Variants in MKX observed in about 807,000 individuals in gnomAD.
The protein encoded by MKX is mohawk homeobox.
Under a neutral mutation model 36.0 loss-of-function variants are expected in MKX, and 13 were observed. The ratio of observed to expected loss-of-function variants is 0.36; its 90% CI spans 0.24 to 0.57. The LOEUF is 0.57. MKX is among the 20% of genes least tolerant of loss of function. MKX has a pLI of 0.79. For synonymous variants in MKX, 176 were observed against 178.3 expected (o/e 0.99, Z 0.10); for missense variants, 458 against 456.4 (o/e 1.00, Z -0.03).
Position 27,734,461 on chromosome 10 carries a change from C to G in MKX, c.833G>C (p.Arg278Pro). The G allele has an allele frequency of 6.2e-7, 1 of 1,613,424 alleles. No individual in the cohort carries two copies. The highest frequency in any genetic ancestry group is 8.5e-7 in the Non-Finnish European group (1 of 1,179,662). The change falls in exon 5 of 7, where the codon CGC (arginine) becomes CCC (proline). Residue 278 changes from arginine to proline, a missense_variant. By Grantham distance (103) the Arg-to-Pro change is moderately radical. Coordinates refer to ENST00000419761, the MANE Select transcript of MKX (RefSeq NM_173576.3). ...SSETEGNFVY[R>P]TDTLENGSNK... is the part of the protein sequence containing the mutation. ...TACAGAAAGCACGGACTTACCTGTG[C>G]GATAGACAAAGTTGCCTTCAGTTTC...
chr10:27,697,208 A>C (rs1050293097), intron 5 of MKX, among the ~76,000 whole-genome samples: 5 of 152,218 alleles, frequency 3.3e-5, no homozygotes, highest in African/African-American at 1.2e-4. Context: ...TATTGTTGCC[A>C]TCCTTGGATG....
chr10:27,691,020 G>T (rs1426058741), intron 5 of MKX, among the ~76,000 whole-genome samples: 1 of 152,086 alleles, frequency 6.6e-6, no homozygotes, highest in African/African-American at 2.4e-5. Context: ...TGTGAAGAAG[G>T]TGCCTGCTTC....
intron 5 of MKX, among the ~76,000 whole-genome samples, chr10:27,687,675 A>G (rs1406014156): frequency 6.6e-6 from 1 of 152,222 alleles, no homozygotes; most frequent in Non-Finnish European, 1.5e-5. Context: ...CACTAAGCAC[A>G]TTAAATATTC....
At chr10:27,704,143 A>G (rs559832048) in intron 5 of MKX, among the ~76,000 whole-genome samples, 1 of 152,338 alleles carries the variant, frequency 6.6e-6, no homozygotes, top group South Asian at 2.1e-4. Context: ...TAATTTTATA[A>G]GAAGTGTTCA....
chr10:27,722,169 C>T (rs1228825241), intron 5 of MKX, among the ~76,000 whole-genome samples: 1 of 152,178 alleles, frequency 6.6e-6, no homozygotes, highest in Non-Finnish European at 1.5e-5. Flanking sequence ...ATAAGGCAAG[C>T]ATTGCCAGAT....
At position 27,743,297 on chromosome 10, in the gene MKX, C is replaced by CT; in HGVS notation, c.118_119insA (p.Arg40GlnfsTer55). 2.6e-6 allele frequency: 4 copies of CT among 1,553,136 alleles called. No individual in the cohort carries two copies. In the Admixed American group the frequency reaches 6.2e-5, roughly 24 times the overall value. On this transcript the variant is annotated frameshift_variant, in exon 2 of 7. Transcript: ENST00000419761. LOFTEE classifies it high-confidence loss of function. ...GCCGTCGGGAATGCCCACCTCGGGGCGGGCGTGAGGACTGTCCAGGACACC... is the reference window on the plus strand; with the variant it reads ...GCCGTCGGGAATGCCCACCTCGGGGCTGGGCGTGAGGACTGTCCAGGACACC...
Position 27,743,228 on chromosome 10 carries a change from C to T in MKX, c.188G>A (p.Gly63Asp). ...DNLGLRHRRT[G>D]ARQNGGKVRH... is the part of the protein sequence containing the mutation. Reference sequence around the variant, plus strand: ...AGGGCCCCCAGGGGAGTGCGCATACCCGGTCCTCCGGTGTCTCAGGCCGAG... The same window carrying T: ...AGGGCCCCCAGGGGAGTGCGCATACTCGGTCCTCCGGTGTCTCAGGCCGAG... The change falls in exon 2 of 7, where the codon GGC becomes GAC. Residue 63 changes from glycine (G) to aspartate (D), a missense_variant and splice_region_variant. Physicochemically the swap from Gly to Asp is moderately conservative, Grantham distance 94 (BLOSUM62 -1). This residue lies in a region of MKX where 149 missense variants were observed against 114.3 expected (regional missense o/e 1.30). Transcript: ENST00000419761. 1.3e-6 allele frequency: 2 copies of T among 1,500,918 alleles called. No individual in the cohort carries two copies. The highest frequency in any genetic ancestry group is 1.8e-6 in the Non-Finnish European group (2 of 1,131,562). The allele number at this position is 1,500,918 out of a possible 1,614,324, so 93.0% of individuals were successfully genotyped here.
At chr10:27,716,858 ATG>A (rs1463225449) in intron 5 of MKX, among the ~76,000 whole-genome samples, 1 of 152,180 alleles carries the variant, frequency 6.6e-6, no homozygotes, top group Non-Finnish European at 1.5e-5. Context: ...GTTACGTTCC[ATG>A]TTAAAAGGAA....
intron 5 of MKX, among the ~76,000 whole-genome samples, chr10:27,687,164 G>A (rs929642039): frequency 2.0e-5 from 3 of 151,952 alleles, no homozygotes; most frequent in African/African-American, 7.3e-5. Context: ...GCACCACTAC[G>A]CCCGGCTAAT....
chr10:27,678,245 G>T (rs1291201812), intron 5 of MKX, among the ~76,000 whole-genome samples: 1 of 152,132 alleles, frequency 6.6e-6, no homozygotes, highest in Non-Finnish European at 1.5e-5. Context: ...ACAAGTCAAG[G>T]CTTTCGTTTG....
chr10:27,689,421 G>A (rs1836414356), intron 5 of MKX, among the ~76,000 whole-genome samples: 2 of 152,054 alleles, frequency 1.3e-5, no homozygotes, highest in Admixed American at 6.5e-5. Context: ...TTGGCATGTC[G>A]GTGTTCTGGG....
At chr10:27,689,367 A>G (rs1186501650) in intron 5 of MKX, among the ~76,000 whole-genome samples, 2 of 152,218 alleles carry the variant, frequency 1.3e-5, no homozygotes, top group African/African-American at 4.8e-5. Flanking sequence ...TACATTTTAA[A>G]TATGCTGCAA....
intron 5 of MKX, among the ~76,000 whole-genome samples, chr10:27,710,278 A>G (rs1418964241): frequency 6.6e-6 from 1 of 152,186 alleles, no homozygotes; most frequent in Non-Finnish European, 1.5e-5. Flanking sequence ...GCAATGAAAA[A>G]GTTGAAGATG....
intron 5 of MKX, among the ~76,000 whole-genome samples, chr10:27,683,232 T>C (rs1836287583): frequency 6.6e-6 from 1 of 152,174 alleles, no homozygotes; most frequent in Non-Finnish European, 1.5e-5. Context: ...TTTTATACCA[T>C]ATTTTACTGT....
intron 5 of MKX, among the ~76,000 whole-genome samples, chr10:27,695,107 C>A (rs1277638470): frequency 6.6e-6 from 1 of 152,084 alleles, no homozygotes; most frequent in African/African-American, 2.4e-5. Context: ...GTCCCAGCAC[C>A]ATTGCTCCTG....
At chr10:27,708,100 G>A (rs1396320049) in intron 5 of MKX, among the ~76,000 whole-genome samples, 1 of 152,002 alleles carries the variant, frequency 6.6e-6, no homozygotes, top group East Asian at 1.9e-4. Flanking sequence ...ACTTCTCTTA[G>A]TTGATTTAAT....
At position 27,734,747 on chromosome 10, in the gene MKX, T is replaced by C. The variant is rs767754453; in HGVS notation, c.547A>G (p.Asn183Asp). 6.2e-7 allele frequency: 1 copy of C among 1,614,038 alleles called. No homozygotes were observed. Among genetic ancestry groups the C allele is most frequent in the Non-Finnish European group, 8.5e-7 (1 of 1,179,950 alleles). ...PRTHMNEGGY[N>D]TPVHHPVIKS... ...ATCACAGGATGGTGAACTGGGGTAT[T>C]ATAGCCCCCTTCGTTCATGTGGGTT... The change falls in exon 5 of 7, where the codon AAT becomes GAT. Residue 183 changes from asparagine (N) to aspartate (D), a missense_variant. Around this residue, in one of 3 missense-constraint regions of MKX, gnomAD observed 297 missense variants for 304.4 expected, o/e 0.98. Transcript: ENST00000419761.
chr10:27,696,017 G>A (rs1028995123), intron 5 of MKX, among the ~76,000 whole-genome samples: 7 of 152,294 alleles, frequency 4.6e-5, no homozygotes, highest in African/African-American at 1.7e-4. Context: ...TCCTAAAGCG[G>A]CTTTCTTGTA....
intron 5 of MKX, among the ~76,000 whole-genome samples, chr10:27,702,557 G>A (rs566273887): frequency 1.3e-5 from 2 of 152,308 alleles, no homozygotes; most frequent in South Asian, 4.1e-4. Context: ...ACATACCGAA[G>A]TTATTATATA....
Sources: allele counts gnomAD v4.1 joint callset (sites outside exome capture counted in the v4.1 genomes callset), GRCh38; gene constraint gnomAD v4.1.1; regional missense constraint gnomAD v4.1.1; transcripts MANE v1.5; gene names NCBI Gene and HGNC (gene_info 2026-07-23, HGNC 2026-07-21).